The following SLC35F4 variants were observed in gnomAD, a reference collection of about 807,000 sequenced individuals.
SLC35F4 encodes the protein chromosome 14 open reading frame 36.
SLC35F4 carries 24 observed loss-of-function variants against 44.2 expected under a neutral mutation model. The observed-to-expected ratio is 0.54, with a 90% CI of 0.39 to 0.76. The LOEUF (loss-of-function observed/expected upper bound fraction) is 0.76. SLC35F4 is among the 30% of genes least tolerant of loss of function. The pLI is 0.00. For missense variants in SLC35F4, 562 were observed against 586.1 expected (o/e 0.96, Z 0.42); for synonymous variants, 238 against 223.6 (o/e 1.06, Z -0.57).
intron 1 of SLC35F4, among the ~76,000 whole-genome samples, chr14:57,938,569 A>T (rs1889858720): frequency 6.6e-6 from 1 of 152,244 alleles, no homozygotes; most frequent in African/African-American, 2.4e-5. Flanking sequence ...ATGCAAAAGA[A>T]AAAATGTTAA....
rs148825675 is a variant in SLC35F4 at position 57,839,247 on chromosome 14, T to C, written c.103+26476A>G. 3.5e-3 allele frequency among the ~76,000 whole-genome samples: 535 copies of C among 152,282 alleles called. 2 individuals are homozygous for C. The highest frequency in any genetic ancestry group is 0.012 in the African/African-American group (480 of 41,544). On this transcript the variant is annotated intron_variant, in intron 1 of 7. Transcript: ENST00000556826. ...GTTCAGCACCAAGATAGGTCAAATA[T>C]TAGAAAACTCCACTCCTTCTTCACT...
At chr14:57,709,049 A>G (rs754679963) in intron 1 of SLC35F4, among the ~76,000 whole-genome samples, 1 of 152,222 alleles carries the variant, frequency 6.6e-6, no homozygotes, top group Non-Finnish European at 1.5e-5. Flanking sequence ...TAGGAGCGTG[A>G]CCACTGAAGC....
chr14:57,940,182 G>C (rs1435341835), intron 1 of SLC35F4, among the ~76,000 whole-genome samples: 1 of 152,124 alleles, frequency 6.6e-6, no homozygotes. Context: ...CAGGGTCAGG[G>C]CTCAGTATTG....
chr14:57,733,013 T>C (rs2076379317), intron 1 of SLC35F4, among the ~76,000 whole-genome samples: 1 of 152,110 alleles, frequency 6.6e-6, no homozygotes, highest in South Asian at 2.1e-4. Context: ...CAGTGATTCA[T>C]GTATAAATGT....
At chr14:57,831,981 GA>G (rs1192550006) in intron 1 of SLC35F4, among the ~76,000 whole-genome samples, 1 of 152,180 alleles carries the variant, frequency 6.6e-6, no homozygotes, top group Non-Finnish European at 1.5e-5. Flanking sequence ...AGCCAGCAAA[GA>G]ACTCTGTAAA....
At chr14:57,977,152 C>T (rs912702020) in intron 1 of SLC35F4, among the ~76,000 whole-genome samples, 1 of 152,100 alleles carries the variant, frequency 6.6e-6, no homozygotes, top group Non-Finnish European at 1.5e-5. Context: ...GTAATCCTGA[C>T]CACCATGAAA....
chr14:57,603,138 T>C (rs1566670888), intron 1 of SLC35F4, among the ~76,000 whole-genome samples: 2 of 152,238 alleles, frequency 1.3e-5, no homozygotes, highest in African/African-American at 2.4e-5. Context: ...AAGATACTTA[T>C]GAAACATTTT....
rs1438551645 is a variant in SLC35F4 at position 57,629,609 on chromosome 14, T to A, written c.104-35485A>T. ...GTTGTGCCATATAGAAACTTCAAGA[T>A]TAAAATGTGCCCATAAATAGAAAAG... On this transcript the variant is annotated intron_variant, in intron 1 of 7. Coordinates refer to ENST00000556826, the MANE Select transcript of SLC35F4 (RefSeq NM_001306087.2). Among the ~76,000 whole-genome samples the A allele has an allele frequency of 2.6e-5, 4 of 152,106 alleles. No homozygotes were observed. The South Asian group carries it at 6.2e-4, about 24-fold the overall frequency.
At chr14:57,873,482 A>G (rs1334427056) in intron 1 of SLC35F4, among the ~76,000 whole-genome samples, 3 of 152,242 alleles carry the variant, frequency 2.0e-5, no homozygotes, top group Non-Finnish European at 2.9e-5. Flanking sequence ...CACTTTAGAT[A>G]TTAAAATTAT....
intron 1 of SLC35F4, among the ~76,000 whole-genome samples, chr14:57,827,960 T>C (rs1024983880): frequency 2.6e-5 from 4 of 152,228 alleles, no homozygotes; most frequent in South Asian, 2.1e-4. Context: ...GTTTTGGTCA[T>C]GAAGGAGCCC....
In SLC35F4 at chr14:57,865,961, G is replaced by T. The variant is rs528995833; in HGVS notation, c.-136C>A. On this transcript the variant is annotated 5_prime_UTR_variant, in exon 1 of 8. Coordinates refer to ENST00000556826, the MANE Select transcript of SLC35F4 (RefSeq NM_001306087.2). ...CCCGCGCCCGGGCTCTGACTCCACC[G>T]CCCGGCGCAGCACCGGCTCCGCATC... is the stretch of plus-strand genomic sequence containing the variant. 3 of 497,310 alleles carry T rather than the reference G, an allele frequency of 6.0e-6. No individual in the cohort carries two copies. The East Asian group carries it at 1.2e-4, about 21-fold the overall frequency. 30.8% of individuals were successfully genotyped at this position (497,310 alleles called of 1,614,324 possible).
chr14:57,752,281 A>G (rs1158641266), intron 1 of SLC35F4, among the ~76,000 whole-genome samples: 1 of 152,064 alleles, frequency 6.6e-6, no homozygotes, highest in Admixed American at 6.5e-5. Context: ...TCACTTGACT[A>G]AAGTCTAAGG....
At chr14:57,963,884 G>A (rs2014383) in intron 1 of SLC35F4, among the ~76,000 whole-genome samples, 6,239 of 151,760 alleles carry the variant, frequency 0.041, 343 homozygotes, top group East Asian at 0.25. Context: ...CACCATGCTC[G>A]GCTAATTTTT....
chr14:57,919,431 A>G (rs1889395538), intron 1 of SLC35F4, among the ~76,000 whole-genome samples: 1 of 152,160 alleles, frequency 6.6e-6, no homozygotes, highest in Non-Finnish European at 1.5e-5. Context: ...TAGTTAACAC[A>G]TGCCAGGGCG....
chr14:57,910,883 A>T (rs1454479513), intron 1 of SLC35F4, among the ~76,000 whole-genome samples: 5 of 152,066 alleles, frequency 3.3e-5, no homozygotes, highest in Non-Finnish European at 7.4e-5. Flanking sequence ...TTATAACAAT[A>T]CTGAGTCATC....
intron 1 of SLC35F4, among the ~76,000 whole-genome samples, chr14:57,783,839 A>G (rs1294028963): frequency 6.6e-6 from 1 of 152,222 alleles, no homozygotes; most frequent in African/African-American, 2.4e-5. Context: ...AGAATCTTTA[A>G]GGCTCATTAC....
chr14:57,696,179 CCTT>C (rs2075378495), intron 1 of SLC35F4, among the ~76,000 whole-genome samples: 1 of 152,056 alleles, frequency 6.6e-6, no homozygotes, highest in African/African-American at 2.4e-5. Flanking sequence ...TGCAATCTAT[CCTT>C]CTGACAAAGG....
chr14:57,792,502 A>G (rs912139357), intron 1 of SLC35F4, among the ~76,000 whole-genome samples: 4 of 152,194 alleles, frequency 2.6e-5, no homozygotes, highest in Non-Finnish European at 5.9e-5. Flanking sequence ...ACAATATGGA[A>G]CCAGCCTAAA....
intron 1 of SLC35F4, among the ~76,000 whole-genome samples, chr14:57,981,315 A>G (rs1451404021): frequency 6.6e-6 from 1 of 152,200 alleles, no homozygotes; most frequent in African/African-American, 2.4e-5. Flanking sequence ...TTCGACAAGA[A>G]AATATACGTG....
Sources: gnomAD v4.1 joint callset for allele counts (sites outside exome capture counted in the v4.1 genomes callset) on GRCh38, gnomAD v4.1.1 for gene constraint, MANE v1.5 for transcripts, NCBI Gene and HGNC (gene_info 2026-07-23, HGNC 2026-07-21) for gene names.